Variants in HMGB1 observed in about 807,000 individuals in gnomAD.
HMGB1 encodes high mobility group protein B1.
For missense variants in HMGB1, 79 were observed against 253.5 expected (o/e 0.31, Z 4.67); for synonymous variants, 81 against 84.0 (o/e 0.96, Z 0.19).
chr13:30,537,331 C>T (rs1566018265), intron 1 of HMGB1, among the ~76,000 whole-genome samples: 3 of 151,900 alleles, frequency 2.0e-5, no homozygotes, highest in Non-Finnish European at 4.4e-5. Flanking sequence ...CTTAGAAAAA[C>T]GTTGTTTTTA....
chr13:30,570,679 G>A (rs926590809), intron 1 of HMGB1, among the ~76,000 whole-genome samples: 2 of 152,180 alleles, frequency 1.3e-5, no homozygotes, highest in African/African-American at 4.8e-5. Flanking sequence ...TAGGAACAAT[G>A]AGAATAAAAG....
At chr13:30,483,819 G>A (rs999351582) in intron 1 of HMGB1, among the ~76,000 whole-genome samples, 8 of 152,000 alleles carry the variant, frequency 5.3e-5, no homozygotes, top group African/African-American at 1.4e-4. Context: ...TCACCATGTT[G>A]CCCAGGCTGG....
intron 1 of HMGB1, among the ~76,000 whole-genome samples, chr13:30,497,554 GT>G (rs1887638767): frequency 6.6e-6 from 1 of 151,732 alleles, no homozygotes; most frequent in Admixed American, 6.6e-5. Context: ...TTGTTACCCA[GT>G]TAATAAGCAT....
At chr13:30,507,947 T>C (rs1031505180) in intron 1 of HMGB1, among the ~76,000 whole-genome samples, 12 of 152,094 alleles carry the variant, frequency 7.9e-5, no homozygotes, top group African/African-American at 2.9e-4. Flanking sequence ...CAGCGAGCTA[T>C]GACGGCACTA....
chr13:30,564,754 A>G (rs1402466098), intron 1 of HMGB1, among the ~76,000 whole-genome samples: 1 of 152,214 alleles, frequency 6.6e-6, no homozygotes, highest in Non-Finnish European at 1.5e-5. Context: ...AATTAACCTC[A>G]TGATATAAAC....
intron 1 of HMGB1, among the ~76,000 whole-genome samples, chr13:30,590,741 G>A (rs558075033): frequency 6.6e-6 from 1 of 152,300 alleles, no homozygotes; most frequent in Admixed American, 6.5e-5. Context: ...TGGTTTTGAG[G>A]GTGGAGCCCT....
intron 1 of HMGB1, among the ~76,000 whole-genome samples, chr13:30,522,493 C>A (rs7332693): frequency 0.78 from 118,918 of 151,928 alleles, 47,087 homozygotes; most frequent in Non-Finnish European, 0.84. Flanking sequence ...GTGATAGAGT[C>A]AGGTCAAGAG....
At chr13:30,583,528 CA>C (rs35519297) in intron 1 of HMGB1, among the ~76,000 whole-genome samples, 22,009 of 67,404 alleles carry the variant, frequency 0.33, 1,329 homozygotes, top group African/African-American at 0.39. Context: ...ACCTGGTCTC[CA>C]AAAAAAAAAA....
In HMGB1 at chr13:30,567,443, T is replaced by C. The variant is rs769146628; in HGVS notation, c.-15+49228A>G. On this transcript the variant is annotated intron_variant, in intron 1 of 4. Transcript: ENST00000405805. Reference sequence around the variant, plus strand: ...ACTGCAACCTCCGCCTCCTGGGTACTGGTTCAAGCAATTCTCCTGCCTCAG... The same window carrying C: ...ACTGCAACCTCCGCCTCCTGGGTACCGGTTCAAGCAATTCTCCTGCCTCAG... 3.8e-4 allele frequency among the ~76,000 whole-genome samples: 58 copies of C among 151,504 alleles called. 1 individual carries two copies. Among genetic ancestry groups the C allele is most frequent in the Admixed American group, 1.4e-3 (22 of 15,176 alleles).
chr13:30,598,859 T>C (rs1871730309), intron 1 of HMGB1, among the ~76,000 whole-genome samples: 1 of 152,130 alleles, frequency 6.6e-6, no homozygotes. Context: ...ATTTATTTTA[T>C]GTTTGTGTGT....
chr13:30,614,713 T>C (rs1950543995), intron 1 of HMGB1, among the ~76,000 whole-genome samples: 1 of 152,064 alleles, frequency 6.6e-6, no homozygotes, highest in African/African-American at 2.4e-5. Context: ...TTTTGTTTTT[T>C]TGAGATGGAG....
rs142327923 is a variant in HMGB1, at chr13:30,488,905, CATACATAT to C, written c.-14-25219_-14-25212del. Among the ~76,000 whole-genome samples, 110 of 151,948 alleles carry C rather than the reference CATACATAT, an allele frequency of 7.2e-4. No individual in the cohort carries two copies. In the East Asian group the frequency reaches 0.014, roughly 19 times the overall value. Reference sequence around the variant, plus strand: ...ATACACACATACAGAAATGCATACACATACATATATACATATAATAATAATGACCTAAA... The same window carrying C: ...ATACACACATACAGAAATGCATACACATACATATAATAATAATGACCTAAA... On this transcript the variant is annotated intron_variant, in intron 1 of 4. Transcript: ENST00000405805.
intron 1 of HMGB1, among the ~76,000 whole-genome samples, chr13:30,502,639 C>A (rs4494391): frequency 7.7e-4 from 117 of 151,004 alleles, no homozygotes; most frequent in East Asian, 4.2e-3. Context: ...TTTTACTTTA[C>A]TTTATTTTAT....
chr13:30,603,506 C>T (rs544138367), intron 1 of HMGB1, among the ~76,000 whole-genome samples: 9 of 152,286 alleles, frequency 5.9e-5, no homozygotes, highest in Admixed American at 2.0e-4. Flanking sequence ...TGTTAACATG[C>T]TAAGGTTTTC....
At position 30,465,056 on chromosome 13, in the gene HMGB1, A is replaced by AG. The variant is rs1335057625; in HGVS notation, c.-15+739dup. Reference sequence around the variant, plus strand: ...AGAACGCGGGGCTGTGAAAAGAGAGAGGAAAAAAAAAGTTGCCTCGGAACT... The same window carrying AG: ...AGAACGCGGGGCTGTGAAAAGAGAGAGGGAAAAAAAAAGTTGCCTCGGAACT... On this transcript the variant is annotated intron_variant, in intron 1 of 4. Transcript: ENST00000341423. 4.9e-6 allele frequency: 3 copies of AG among 614,454 alleles called. No homozygotes were observed. In the South Asian group the frequency reaches 2.2e-4, roughly 44 times the overall value. The allele number at this position is 614,454 out of a possible 1,614,324, so 38.1% of individuals were successfully genotyped here. A position where few individuals can be genotyped will look rare whatever the true frequency, so the allele number is the denominator to read the frequency against.
Position 30,559,787 on chromosome 13 carries a change from G to A in HMGB1, c.-15+56884C>T, listed in dbSNP as rs9551939. Among the ~76,000 whole-genome samples the A allele has an allele frequency of 0.062, 9,397 of 152,128 alleles. 621 individuals are homozygous for A. Among genetic ancestry groups the A allele is most frequent in the East Asian group, 0.33 (1,724 of 5,168 alleles). ...TGAGGAGAAGAATTTATATTAAAAGGATAAAAATATCTACACTTGGAAACA... is the reference window on the plus strand; with the variant it reads ...TGAGGAGAAGAATTTATATTAAAAGAATAAAAATATCTACACTTGGAAACA... On this transcript the variant is annotated intron_variant, in intron 1 of 4. Coordinates refer to the HMGB1 transcript ENST00000405805. This position sits in a 1 kb window ranked among gnomAD's most constrained non-coding sequence, Gnocchi z 6.6.
At chr13:30,533,689 A>G (rs569184069) in intron 1 of HMGB1, among the ~76,000 whole-genome samples, 1 of 152,200 alleles carries the variant, frequency 6.6e-6, no homozygotes, top group East Asian at 1.9e-4. Flanking sequence ...CATGACTCTC[A>G]GTAAGACCAA....
chr13:30,616,656 G>A (rs1256440047), intron 1 of HMGB1: 1 of 152,024 alleles, frequency 6.6e-6, no homozygotes, highest in African/African-American at 2.4e-5. Context: ...AACAGAAAAA[G>A]GTAAACAAAC....
rs79363366 is a variant in HMGB1, at chr13:30,507,922, C to T, written c.-14-44228G>A. Among the ~76,000 whole-genome samples the T allele has an allele frequency of 4.8e-4, 73 of 152,082 alleles. No individual in the cohort carries two copies. The East Asian group carries it at 8.7e-3, about 18-fold the overall frequency. On this transcript the variant is annotated intron_variant, in intron 1 of 4. Transcript: ENST00000405805. ...TGAATCGGGAGGATCGCTTGAGCCC[C>T]GGGATTCAAGGCTGCAGCGAGCTAT...
Sources: allele counts gnomAD v4.1 joint callset (sites outside exome capture counted in the v4.1 genomes callset), GRCh38; gene constraint gnomAD v4.1.1; non-coding constraint Gnocchi (gnomAD v3.1); transcripts MANE v1.5; gene names NCBI Gene and HGNC (gene_info 2026-07-23, HGNC 2026-07-21).